PDE8B: variants seen among roughly 807,000 people sequenced by gnomAD.
PDE8B encodes the protein phosphodiesterase 8B, also known as high affinity cAMP-specific and IBMX-insensitive 3',5'-cyclic phosphodiesterase 8B.
A neutral mutation model predicts 101.3 loss-of-function variants in PDE8B; 26 were observed. The ratio of observed to expected loss-of-function variants is 0.26; its 90% CI spans 0.19 to 0.36. The LOEUF is 0.36. Among genes scored for constraint, PDE8B ranks in the 10% least tolerant of loss-of-function variants. The probability of loss-of-function intolerance (pLI) is 1.00; values close to 1 mark genes in which losing one functional copy is unlikely to be tolerated. For missense variants in PDE8B, 810 were observed against 1,163.1 expected (o/e 0.70, Z 4.42); for synonymous variants, 424 against 429.3 (o/e 0.99, Z 0.15).
intron 1 of PDE8B, among the ~76,000 whole-genome samples, chr5:77,271,578 G>A (rs781216043): frequency 1.3e-5 from 2 of 152,028 alleles, no homozygotes; most frequent in Non-Finnish European, 2.9e-5. Context: ...TTTTTTTTAA[G>A]GCAGAGAAGA....
At chr5:77,129,828 T>C in the PDE8B span, among the ~76,000 whole-genome samples, 2 of 152,196 alleles carry the variant, frequency 1.3e-5, no homozygotes, top group African/African-American at 4.8e-5. Context: ...ACCTCTACAC[T>C]GTTTGACGTG....
Position 77,259,756 on chromosome 5 carries a change from T to G in PDE8B, c.339+48492T>G, listed in dbSNP as rs141785442. Among the ~76,000 whole-genome samples the G allele has an allele frequency of 4.1e-3, 629 of 152,340 alleles. 2 individuals are homozygous for G. The highest frequency in any genetic ancestry group is 0.024 in the Middle Eastern group (7 of 294). On this transcript the variant is annotated intron_variant, in intron 1 of 21. Transcript: ENST00000264917. ...TGAGCTCAGGGTGGTGGGGGTATGT[T>G]TCCCACATCCTGGCAAGTTCTTTCT...
intron 1 of PDE8B, among the ~76,000 whole-genome samples, chr5:77,226,490 G>T (rs755200525): frequency 5.3e-5 from 8 of 152,120 alleles, no homozygotes; most frequent in Non-Finnish European, 1.2e-4. Flanking sequence ...CCCTATTGAT[G>T]TTTTTTGGGG....
intron 1 of PDE8B, among the ~76,000 whole-genome samples, chr5:77,306,393 T>C (rs1323492897): frequency 2.6e-5 from 4 of 152,210 alleles, no homozygotes; most frequent in Non-Finnish European, 5.9e-5. Context: ...ACAGAGACTA[T>C]GTCCTCAAGA....
chr5:77,291,229 G>A, intron 1 of PDE8B: 1 of 1,611,800 alleles, frequency 6.2e-7, no homozygotes, highest in Non-Finnish European at 8.5e-7. Flanking sequence ...GTTGTAAACA[G>A]ACTTAAAAAG....
At chr5:77,356,825 G>T (rs2150511954) in intron 10 of PDE8B, among the ~76,000 whole-genome samples, 1 of 152,190 alleles carries the variant, frequency 6.6e-6, no homozygotes, top group East Asian at 1.9e-4. Flanking sequence ...TATTTTTATT[G>T]GACAGACCTG....
Position 77,419,621 on chromosome 5 carries a change from C to T in PDE8B, c.2130-146C>T, listed in dbSNP as rs184846548. 7.9e-5 allele frequency: 69 copies of T among 875,812 alleles called. No individual in the cohort carries two copies. In the South Asian group the frequency reaches 8.6e-4, roughly 11 times the overall value. The allele number at this position is 875,812 out of a possible 1,614,324, so 54.3% of individuals were successfully genotyped here. A position where few individuals can be genotyped will look rare whatever the true frequency, so the allele number is the denominator to read the frequency against. ...CTGCAAGTCTTGCTTACTGGGAGGA[C>T]GAGCTCTTCTTGTGATCTGCACACA... On this transcript the variant is annotated intron_variant, in intron 18 of 21. Coordinates refer to ENST00000264917, the MANE Select transcript of PDE8B (RefSeq NM_003719.5).
Position 77,408,978 on chromosome 5 carries a change from C to A in PDE8B, c.1451C>A (p.Thr484Asn). The A allele has an allele frequency of 6.2e-7, 1 of 1,612,390 alleles. No homozygotes were observed. The highest frequency in any genetic ancestry group is 8.5e-7 in the Non-Finnish European group (1 of 1,178,410). ...ALDRVLEILR[T>N]TELYSPQLGT... The stretch of plus-strand genomic sequence containing the variant: ...GACAGAGTTCTAGAGATTTTACGGA[C>A]CACAGAACTGTACTCCCCTCAGCTG... The change falls in exon 14 of 22, where the codon ACC becomes AAC. Residue 484 changes from threonine to asparagine, a missense_variant. Thr to Asn is a moderately conservative substitution (Grantham distance 65, BLOSUM62 0). Transcript: ENST00000264917.
At chr5:77,262,193 A>G (rs995967031) in intron 1 of PDE8B, among the ~76,000 whole-genome samples, 1 of 117,254 alleles carries the variant, frequency 8.5e-6, no homozygotes, top group South Asian at 2.6e-4. Flanking sequence ...TGTGCCTGGT[A>G]AAAAAAAAAC....
the PDE8B span, chr5:77,165,348 T>C: frequency 6.6e-6 from 1 of 152,148 alleles, no homozygotes; most frequent in East Asian, 1.9e-4. Context: ...ATTCCTGAAA[T>C]TTTCACACTC....
chr5:77,367,154 A>AACACACAC (rs71736838), intron 10 of PDE8B, among the ~76,000 whole-genome samples: 13 of 144,840 alleles, frequency 9.0e-5, no homozygotes, highest in South Asian at 4.9e-4. Context: ...GTTTTCTCAA[A>AACACACAC]ACACACACAC....
rs570489790 is a variant in PDE8B, at chr5:77,231,542, A to G, written c.339+20278A>G. Among the ~76,000 whole-genome samples the G allele has an allele frequency of 1.4e-3, 216 of 152,334 alleles. 4 individuals carry two copies. In the South Asian group the frequency reaches 0.044, roughly 31 times the overall value. ...ATCAGAGAAAGTAGGAACGATGATAATGGTAACAATGTCAAAAGGAAGCTG... is the reference window on the plus strand; with the variant it reads ...ATCAGAGAAAGTAGGAACGATGATAGTGGTAACAATGTCAAAAGGAAGCTG... On this transcript the variant is annotated intron_variant, in intron 1 of 21. Coordinates refer to ENST00000264917, the MANE Select transcript of PDE8B (RefSeq NM_003719.5).
chr5:77,236,578 G>A (rs1271111066), intron 1 of PDE8B, among the ~76,000 whole-genome samples: 1 of 152,172 alleles, frequency 6.6e-6, no homozygotes, highest in Admixed American at 6.5e-5. Context: ...AAAAAGATGA[G>A]GACCAATATT....
the PDE8B span, among the ~76,000 whole-genome samples, chr5:77,195,602 A>G: frequency 1.7e-3 from 257 of 152,298 alleles, no homozygotes; most frequent in African/African-American, 5.8e-3. Flanking sequence ...AAAGAAATCA[A>G]TATATAACTT....
chr5:77,088,610 G>A, the PDE8B span: 1 of 152,196 alleles, frequency 6.6e-6, no homozygotes, highest in African/African-American at 2.4e-5. Context: ...TTCCCCTGGA[G>A]TTTAACCGTC....
chr5:77,087,257 T>A, the PDE8B span: 1 of 152,288 alleles, frequency 6.6e-6, no homozygotes, highest in African/African-American at 2.4e-5. Flanking sequence ...CATTCACACG[T>A]CTGCGGGGAA....
intron 1 of PDE8B, among the ~76,000 whole-genome samples, chr5:77,255,308 A>G (rs1479594): frequency 0.54 from 81,428 of 151,924 alleles, 21,876 homozygotes; most frequent in South Asian, 0.62. Context: ...TTTAGAGTAT[A>G]TTTCGTGTCC....
In PDE8B at chr5:77,298,711, G is replaced by A. The variant is rs114011628; in HGVS notation, c.340-13283G>A. ...GCCATCTGACTGTCCAGGGATCCCCGGGAATCCTTATGTGTGATGATGGGG... is the reference window on the plus strand; with the variant it reads ...GCCATCTGACTGTCCAGGGATCCCCAGGAATCCTTATGTGTGATGATGGGG... On this transcript the variant is annotated intron_variant, in intron 1 of 21. Coordinates refer to ENST00000264917, the MANE Select transcript of PDE8B (RefSeq NM_003719.5). Among the ~76,000 whole-genome samples, 520 of 152,250 alleles carry A rather than the reference G, an allele frequency of 3.4e-3. 2 individuals are homozygous for A. Among genetic ancestry groups the A allele is most frequent in the African/African-American group, 0.012 (500 of 41,550 alleles).
the PDE8B span, among the ~76,000 whole-genome samples, chr5:77,109,627 G>T: frequency 6.6e-6 from 1 of 152,326 alleles, no homozygotes; most frequent in Admixed American, 6.5e-5. Context: ...CAGAGACAGA[G>T]ACCCATGCCC....
Sources: allele counts gnomAD v4.1 joint callset (sites outside exome capture counted in the v4.1 genomes callset), GRCh38; gene constraint gnomAD v4.1.1; transcripts MANE v1.5; gene names NCBI Gene and HGNC (gene_info 2026-07-23, HGNC 2026-07-21).